The following ATF7IP2 variants were observed in gnomAD, a reference collection of about 807,000 sequenced individuals.
The protein encoded by ATF7IP2 is activating transcription factor 7 interacting protein 2, also known as activating transcription factor 7-interacting protein 2.
A neutral mutation model predicts 64.2 loss-of-function variants in ATF7IP2; 42 were observed. That is an observed-to-expected ratio of 0.65 (90% CI 0.51 to 0.85). The LOEUF (loss-of-function observed/expected upper bound fraction) is 0.85. Among genes scored for constraint, ATF7IP2 ranks in the 40% least tolerant of loss-of-function variants. ATF7IP2 has a pLI of 0.00. For synonymous variants in ATF7IP2, 308 were observed against 272.8 expected (o/e 1.13, Z -1.27); for missense variants, 933 against 784.2 (o/e 1.19, Z -2.27).
intron 6 of ATF7IP2, 137 bp downstream of exon 6, chr16:10,433,786 T>G (rs752493796): frequency 9.1e-6 from 8 of 880,428 alleles, no homozygotes; most frequent in Non-Finnish European, 1.4e-5. Context: ...AGCCAAATTA[T>G]CAGACAGACT....
rs1332448719 is a variant in ATF7IP2, at chr16:10,482,797, A to C, written c.*548A>C. The stretch of plus-strand genomic sequence containing the variant: ...CAGGCTGGAGTACAGTGGTCACTGC[A>C]ACCTCCATCTCCCTGGTTCAAGCAA... On this transcript the variant is annotated 3_prime_UTR_variant, in exon 14 of 14. Coordinates refer to ENST00000562102, the MANE Select transcript of ATF7IP2 (RefSeq NM_001393719.1). 1 of 152,204 alleles carries C rather than the reference A, an allele frequency of 6.6e-6. No individual in the cohort carries two copies. The highest frequency in any genetic ancestry group is 1.5e-5 in the Non-Finnish European group (1 of 68,076). 9.4% of individuals were successfully genotyped at this position (152,204 alleles called of 1,614,324 possible).
intron 8 of ATF7IP2, among the ~76,000 whole-genome samples, chr16:10,442,343 T>C (rs948974057): frequency 1.3e-5 from 2 of 152,264 alleles, no homozygotes; most frequent in African/African-American, 2.4e-5. Context: ...GTCTTGACTT[T>C]GCTGTTCTTC....
intron 9 of ATF7IP2, among the ~76,000 whole-genome samples, chr16:10,465,122 G>A (rs1011159611): frequency 2.6e-5 from 4 of 152,122 alleles, no homozygotes; most frequent in African/African-American, 4.8e-5. Flanking sequence ...GAGCCACCAC[G>A]CCTGTCCATC....
chr16:10,458,068 T>G (rs2049243490), intron 9 of ATF7IP2, among the ~76,000 whole-genome samples: 1 of 152,168 alleles, frequency 6.6e-6, no homozygotes, highest in African/African-American at 2.4e-5. Context: ...GTAGATTAAA[T>G]GATGGCCATT....
intron 9 of ATF7IP2, among the ~76,000 whole-genome samples, chr16:10,458,639 A>C (rs1330089152): frequency 6.6e-6 from 1 of 152,242 alleles, no homozygotes; most frequent in Non-Finnish European, 1.5e-5. Context: ...TAAGCAAGAA[A>C]TAACACCAGC....
At chr16:10,452,737 T>G (rs1454699398) in intron 8 of ATF7IP2, among the ~76,000 whole-genome samples, 3 of 151,518 alleles carry the variant, frequency 2.0e-5, no homozygotes, top group Admixed American at 1.3e-4. Context: ...AGATGGGGGG[T>G]TTATCTATAA....
intron 8 of ATF7IP2, chr16:10,448,907 T>G (rs1217147762): frequency 2.0e-5 from 3 of 152,200 alleles, no homozygotes; most frequent in African/African-American, 7.2e-5. Context: ...AAGGGAATGC[T>G]TCCAGTTTCT....
chr16:10,430,664 A>G lies in ATF7IP2; in HGVS notation c.44A>G (p.Lys15Arg), dbSNP rs770446318. 1.9e-6 allele frequency: 3 copies of G among 1,614,114 alleles called. No homozygotes were observed. Among genetic ancestry groups the G allele is most frequent in the Non-Finnish European group, 2.5e-6 (3 of 1,180,002 alleles). Residue 15 changes from lysine (K) to arginine (R), a missense_variant, in exon 5 of 14, where the codon AAA becomes AGA. By Grantham distance (26) the Lys-to-Arg change is conservative. Transcript: ENST00000562102. ...AGTAAACGGAAGATATTAAAAGCCA[A>G]AAAGACAATGCCCCTAAGTTGCCGG... ...DRSKRKILKA[K>R]KTMPLSCRKQ...
Position 10,472,102 on chromosome 16 carries a change from C to T in ATF7IP2, c.1353-8C>T, listed in dbSNP as rs1417433357. 1.3e-5 allele frequency: 19 copies of T among 1,492,862 alleles called. 1 individual carries two copies. The highest frequency in any genetic ancestry group is 7.3e-5 in the South Asian group (6 of 82,392). 92.5% of individuals were successfully genotyped at this position (1,492,862 alleles called of 1,614,324 possible). A position where few individuals can be genotyped will look rare whatever the true frequency, so the allele number is the denominator to read the frequency against. ...GTTTTTGTTTTTAATTTCTTTTTATCATTTTAGTAACAATGATGATGTTAT... is the reference window on the plus strand; with the variant it reads ...GTTTTTGTTTTTAATTTCTTTTTATTATTTTAGTAACAATGATGATGTTAT... On this transcript the variant is annotated splice_polypyrimidine_tract_variant and splice_region_variant and intron_variant, in intron 9 of 13. Transcript: ENST00000562102.
rs1361785872 is a variant in ATF7IP2 at position 10,483,516 on chromosome 16, GA to G, written c.*1268del. 6.6e-6 allele frequency: 1 copy of G among 152,186 alleles called. No individual in the cohort carries two copies. Among genetic ancestry groups the G allele is most frequent in the African/African-American group, 2.4e-5 (1 of 41,430 alleles). The allele number at this position is 152,186 out of a possible 1,614,324, so 9.4% of individuals were successfully genotyped here. A position where few individuals can be genotyped will look rare whatever the true frequency, so the allele number is the denominator to read the frequency against. ...ATCCCAACTGTTTGAAAGTTCGAAA[GA>G]GGGGCATTCTTTTCTGGTACATGGT... On this transcript the variant is annotated 3_prime_UTR_variant, in exon 14 of 14. Coordinates refer to ENST00000562102, the MANE Select transcript of ATF7IP2 (RefSeq NM_001393719.1).
chr16:10,459,428 A>G (rs1445175969), intron 9 of ATF7IP2, among the ~76,000 whole-genome samples: 2 of 150,990 alleles, frequency 1.3e-5, no homozygotes, highest in Non-Finnish European at 2.9e-5. Context: ...GTATCACACC[A>G]CTGTGCTCCA....
chr16:10,413,780 C>T lies in ATF7IP2; in HGVS notation c.-241-794C>T. On this transcript the variant is annotated intron_variant, in intron 1 of 13. Transcript: ENST00000562102. ...TTGTCTGAAAAAGACTGTATGTTTC[C>T]TTAATTTATGAAGCTTAGTTTCACT... is the stretch of plus-strand genomic sequence containing the variant. Among the ~76,000 whole-genome samples the T allele has an allele frequency of 1.3e-5, 2 of 152,040 alleles. 1 individual carries two copies. Among genetic ancestry groups the T allele is most frequent in the Non-Finnish European group, 2.9e-5 (2 of 68,004 alleles).
At chr16:10,407,347 A>G (rs1417831732) in intron 1 of ATF7IP2, among the ~76,000 whole-genome samples, 2 of 152,224 alleles carry the variant, frequency 1.3e-5, no homozygotes, top group African/African-American at 2.4e-5. Context: ...GCCCGTTTTC[A>G]CCACAGTTAC....
chr16:10,444,237 A>C (rs1424505656), intron 8 of ATF7IP2, among the ~76,000 whole-genome samples: 8 of 152,206 alleles, frequency 5.3e-5, no homozygotes, highest in Admixed American at 2.0e-4. Flanking sequence ...AGACAGGTTA[A>C]GTTTTTTTGA....
chr16:10,433,526 C>A lies in ATF7IP2; in HGVS notation c.837C>A (p.Ser279Arg), dbSNP rs73497840. ...WQSSLDTNNNSHYQKKRMFSE... is the reference protein window; with the variant it reads ...WQSSLDTNNNRHYQKKRMFSE... ...TTCTAATCTTTTGATCTCCTCAAGG[C>A]CATTATCAAAAGAAGAGGATGTTTT... Residue 279 changes from serine to arginine, a missense_variant and splice_region_variant, in exon 6 of 14, where the codon AGC becomes AGA. By Grantham distance (110) the Ser-to-Arg change is moderately radical. Coordinates refer to ENST00000562102, the MANE Select transcript of ATF7IP2 (RefSeq NM_001393719.1). 2.8e-4 allele frequency: 454 copies of A among 1,611,696 alleles called. 1 individual carries two copies. The African/African-American group carries it at 5.3e-3, about 19-fold the overall frequency.
chr16:10,467,983 G>A (rs556616550), intron 9 of ATF7IP2, among the ~76,000 whole-genome samples: 35 of 150,654 alleles, frequency 2.3e-4, no homozygotes, highest in Middle Eastern at 3.4e-3. Context: ...GAGTTTAAGC[G>A]TTTCTCCTGC....
At chr16:10,421,240 G>A (rs528569720) in intron 3 of ATF7IP2, among the ~76,000 whole-genome samples, 99 of 152,128 alleles carry the variant, frequency 6.5e-4, no homozygotes, top group Non-Finnish European at 1.3e-3. Context: ...CACTGTACAA[G>A]ATCTTGCTCT....
At chr16:10,477,228 A>T (rs958047302) in intron 12 of ATF7IP2, among the ~76,000 whole-genome samples, 13 of 152,256 alleles carry the variant, frequency 8.5e-5, no homozygotes, top group Middle Eastern at 3.2e-3. Context: ...TCTACAAGGA[A>T]CTTAAGCAAA....
In ATF7IP2 at chr16:10,478,028, TC is replaced by T. The variant is rs937246350; in HGVS notation, c.1550-2849del. On this transcript the variant is annotated intron_variant, in intron 12 of 13. Transcript: ENST00000562102. ...AGGATACAAACAAATGGAAGAACATTCCATGCTCATGGGTAGGAAGAATCAA... is the reference window on the plus strand; with the variant it reads ...AGGATACAAACAAATGGAAGAACATTCATGCTCATGGGTAGGAAGAATCAA... Among the ~76,000 whole-genome samples the T allele has an allele frequency of 4.4e-3, 668 of 150,604 alleles. 4 individuals carry two copies. The highest frequency in any genetic ancestry group is 0.015 in the African/African-American group (616 of 40,962).
Sources: gnomAD v4.1 joint callset for allele counts (sites outside exome capture counted in the v4.1 genomes callset) on GRCh38, gnomAD v4.1.1 for gene constraint, MANE v1.5 for transcripts, NCBI Gene and HGNC (gene_info 2026-07-23, HGNC 2026-07-21) for gene names.